ATP8A1: variants seen among roughly 807,000 people sequenced by gnomAD.
ATP8A1 encodes phospholipid-transporting ATPase IA.
ATP8A1 carries 90 observed loss-of-function variants against 177.7 expected under a neutral mutation model. That is an observed-to-expected ratio of 0.51 (90% CI 0.43 to 0.60). The LOEUF (loss-of-function observed/expected upper bound fraction) is 0.60. Ranked by LOEUF, ATP8A1 falls within the 20% of genes least tolerant of loss-of-function variation. ATP8A1 has a pLI of 0.00. For synonymous variants in ATP8A1, 493 were observed against 485.9 expected (o/e 1.01, Z -0.19); for missense variants, 1,072 against 1,392.8 (o/e 0.77, Z 3.67).
chr4:42,582,782 C>T (rs557552563), intron 9 of ATP8A1, among the ~76,000 whole-genome samples: 8 of 151,960 alleles, frequency 5.3e-5, no homozygotes, highest in Non-Finnish European at 1.2e-4. Flanking sequence ...TGAATAAGGT[C>T]CCAGTTGGTA....
Position 42,627,979 on chromosome 4 carries a change from C to T in ATP8A1, c.50-870G>A, listed in dbSNP as rs565554155. On this transcript the variant is annotated intron_variant, in intron 1 of 36. Coordinates refer to ENST00000381668, the MANE Select transcript of ATP8A1 (RefSeq NM_006095.2). ...TAAAACGTCTTTGGGTTTCCACAGC[C>T]CTCTGAACCTCCCCACTCTTCAGCA... 2.0e-5 allele frequency among the ~76,000 whole-genome samples: 3 copies of T among 152,250 alleles called. No individual in the cohort carries two copies. In the South Asian group the frequency reaches 6.2e-4, roughly 32 times the overall value.
At chr4:42,502,676 C>T (rs1051295273) in intron 24 of ATP8A1, among the ~76,000 whole-genome samples, 8 of 152,170 alleles carry the variant, frequency 5.3e-5, no homozygotes, top group African/African-American at 1.7e-4. Context: ...AACACCATCC[C>T]TTCTGCAGTC....
At chr4:42,538,394 C>T (rs934677730) in intron 20 of ATP8A1, among the ~76,000 whole-genome samples, 2 of 152,090 alleles carry the variant, frequency 1.3e-5, no homozygotes, top group Non-Finnish European at 2.9e-5. Flanking sequence ...AAAGCAAATG[C>T]AACAAAGACA....
intron 6 of ATP8A1, among the ~76,000 whole-genome samples, chr4:42,600,198 C>T (rs1203344315): frequency 6.6e-6 from 1 of 151,888 alleles, no homozygotes; most frequent in Admixed American, 6.6e-5. Context: ...AATTACAACA[C>T]AAAACAGTTC....
At chr4:42,522,017 T>C in intron 22 of ATP8A1, 143 bp downstream of exon 22, 1 of 898,206 alleles carries the variant, frequency 1.1e-6, no homozygotes, top group East Asian at 2.8e-5. Context: ...TTAATACTTG[T>C]TAATGCTTAG....
chr4:42,602,112 T>C (rs978928766), intron 5 of ATP8A1, among the ~76,000 whole-genome samples: 1 of 152,144 alleles, frequency 6.6e-6, no homozygotes, highest in Non-Finnish European at 1.5e-5. Context: ...TTCATTAATT[T>C]AAAAAAATAA....
chr4:42,624,565 C>A lies in ATP8A1; in HGVS notation c.334G>T (p.Ala112Ser). The change falls in exon 4 of 37, where the codon GCA (alanine) becomes TCA (serine). Residue 112 changes from alanine to serine, a missense_variant. By Grantham distance (99) the Ala-to-Ser change is moderately conservative. This residue lies in a region of ATP8A1 where 344 missense variants were observed against 393.5 expected (regional missense o/e 0.87). Coordinates refer to ENST00000381668, the MANE Select transcript of ATP8A1 (RefSeq NM_006095.2). ...LVPLLFILAVAAIKEIIEDIK... is the reference protein window; with the variant it reads ...LVPLLFILAVSAIKEIIEDIK... ...TCTTCTATTATCTCTTTGATAGCTG[C>A]CACAGCTAAAATAAATAAGAGAGGA... 6.7e-7 allele frequency: 1 copy of A among 1,496,740 alleles called. No individual in the cohort carries two copies. The highest frequency in any genetic ancestry group is 2.2e-5 in the Admixed American group (1 of 46,246). 92.7% of individuals were successfully genotyped at this position (1,496,740 alleles called of 1,614,324 possible). A position where few individuals can be genotyped will look rare whatever the true frequency, so the allele number is the denominator to read the frequency against.
intron 6 of ATP8A1, among the ~76,000 whole-genome samples, chr4:42,593,467 T>A (rs1734398210): frequency 6.6e-6 from 1 of 152,090 alleles, no homozygotes. Flanking sequence ...CTAGTATAAA[T>A]ACTTTTATTT....
At chr4:42,585,616 A>G (rs1003845006) in intron 9 of ATP8A1, among the ~76,000 whole-genome samples, 1 of 151,148 alleles carries the variant, frequency 6.6e-6, no homozygotes, top group Non-Finnish European at 1.5e-5. Context: ...TGAGCAATAA[A>G]TTACTGTAAT....
At chr4:42,484,694 T>A (rs1332793041) in intron 25 of ATP8A1, among the ~76,000 whole-genome samples, 1 of 152,168 alleles carries the variant, frequency 6.6e-6, no homozygotes, top group East Asian at 1.9e-4. Flanking sequence ...TACTGAGAAA[T>A]CTTTCAGAAT....
chr4:42,555,139 A>ATCTATCTATCTATCTATCTTATCT, intron 16 of ATP8A1, among the ~76,000 whole-genome samples: 1 of 59,558 alleles, frequency 1.7e-5, no homozygotes, highest in East Asian at 4.3e-4. Flanking sequence ...CTATCTATCT[A>ATCTATCTATCTATCTATCTTATCT]ATCTATCTAT....
At chr4:42,587,548 C>T (rs567156514) in intron 8 of ATP8A1, among the ~76,000 whole-genome samples, 1 of 151,516 alleles carries the variant, frequency 6.6e-6, no homozygotes, top group South Asian at 2.1e-4. Context: ...CCTCGTGATC[C>T]ACCTGCCTCG....
chr4:42,495,852 G>A lies in ATP8A1; in HGVS notation c.2151+7598C>T, dbSNP rs538086518. 2.0e-5 allele frequency among the ~76,000 whole-genome samples: 3 copies of A among 152,220 alleles called. No individual in the cohort carries two copies. In the South Asian group the frequency reaches 6.2e-4, roughly 32 times the overall value. On this transcript the variant is annotated intron_variant, in intron 24 of 36. Transcript: ENST00000381668. ...CGAACGCATTTAATCAATATATATT[G>A]CTAAAGATAATGGGGAGAGGAAAAG...
At chr4:42,594,203 C>G in intron 6 of ATP8A1, 1 of 709,278 alleles carries the variant, frequency 1.4e-6, no homozygotes, top group Non-Finnish European at 2.3e-6. Context: ...TTCGTTTATT[C>G]CTTATTTCCT....
chr4:42,454,350 T>C (rs1174377163), intron 29 of ATP8A1, among the ~76,000 whole-genome samples: 1 of 152,224 alleles, frequency 6.6e-6, no homozygotes, highest in Non-Finnish European at 1.5e-5. Context: ...AATTCCTAAA[T>C]ATTTAAAATA....
chr4:42,497,398 G>A (rs4508936), intron 24 of ATP8A1, among the ~76,000 whole-genome samples: 19 of 152,310 alleles, frequency 1.2e-4, no homozygotes, highest in Middle Eastern at 3.4e-3. Context: ...GAGGCATGGC[G>A]TGCGCCTCTC....
At chr4:42,447,038 A>C (rs1386006794) in intron 30 of ATP8A1, among the ~76,000 whole-genome samples, 1 of 152,230 alleles carries the variant, frequency 6.6e-6, no homozygotes, top group East Asian at 1.9e-4. Flanking sequence ...CATTGGGCCA[A>C]AAGGGATTCA....
chr4:42,430,926 C>G (rs1188300315), intron 33 of ATP8A1, among the ~76,000 whole-genome samples: 2 of 152,026 alleles, frequency 1.3e-5, no homozygotes, highest in East Asian at 3.9e-4. Flanking sequence ...TGTGACCACC[C>G]CATTGAAAAC....
At position 42,582,113 on chromosome 4, in the gene ATP8A1, A is replaced by C. The variant is rs116056078; in HGVS notation, c.723-381T>G. Among the ~76,000 whole-genome samples the C allele has an allele frequency of 4.2e-3, 646 of 152,290 alleles. 4 individuals are homozygous for C. The highest frequency in any genetic ancestry group is 0.014 in the African/African-American group (584 of 41,556). ...TGAAGGGATTAATGCCCTTATAAAAAGACACTCGAGGAGTTTACTCTTGTC... is the reference window on the plus strand; with the variant it reads ...TGAAGGGATTAATGCCCTTATAAAACGACACTCGAGGAGTTTACTCTTGTC... On this transcript the variant is annotated intron_variant, in intron 9 of 36. Transcript: ENST00000381668.
Sources: allele counts gnomAD v4.1 joint callset (sites outside exome capture counted in the v4.1 genomes callset), GRCh38; gene constraint gnomAD v4.1.1; regional missense constraint gnomAD v4.1.1; transcripts MANE v1.5; gene names NCBI Gene and HGNC (gene_info 2026-07-23, HGNC 2026-07-21).